Variants in NVL observed in about 807,000 individuals in gnomAD.
The protein encoded by NVL is nuclear VCP like.
In NVL, 84 loss-of-function variants were observed where a neutral mutation model predicts 110.2. That is an observed-to-expected ratio of 0.76 (90% CI 0.64 to 0.91). NVL has a LOEUF of 0.91. Ranked by LOEUF, NVL falls within the 40% of genes least tolerant of loss-of-function variation. The pLI, the probability that NVL is intolerant of heterozygous loss-of-function variation, is 0.00. For missense variants in NVL, 882 were observed against 1,035.9 expected, an observed-to-expected ratio of 0.85 and a Z score of 2.04; for synonymous variants, 354 against 361.1, an observed-to-expected ratio of 0.98 and a Z score of 0.22.
rs191704486 is a variant in NVL at position 224,264,869 on chromosome 1, C to T, written c.2182+3165G>A. ...GATTCTCCTGCCTCAGCCTCAGCCT[C>T]GCAAGTAGCTGGGACTACAGGTGTG... On this transcript the variant is annotated intron_variant, in intron 18 of 22. Coordinates refer to ENST00000281701, the MANE Select transcript of NVL (RefSeq NM_002533.4). Among the ~76,000 whole-genome samples, 10 of 152,250 alleles carry T rather than the reference C, an allele frequency of 6.6e-5. No homozygotes were observed. In the East Asian group the frequency reaches 7.8e-4, roughly 12 times the overall value.
intron 4 of NVL, among the ~76,000 whole-genome samples, chr1:224,315,961 G>A (rs1022176489): frequency 3.3e-5 from 5 of 152,100 alleles, no homozygotes; most frequent in Non-Finnish European, 5.9e-5. Flanking sequence ...CTGGGAGTCC[G>A]AGGCAAGAGG....
chr1:224,328,701 T>A (rs1222122696), intron 1 of NVL, among the ~76,000 whole-genome samples: 1 of 152,152 alleles, frequency 6.6e-6, no homozygotes, highest in African/African-American at 2.4e-5. Flanking sequence ...AGACTCAGAA[T>A]GATCCTTAAG....
chr1:224,258,849 CAG>C (rs1663596050), intron 18 of NVL, among the ~76,000 whole-genome samples: 1 of 151,736 alleles, frequency 6.6e-6, no homozygotes, highest in African/African-American at 2.4e-5. Flanking sequence ...TTTATATAGA[CAG>C]AAAGTAGATG....
chr1:224,278,678 C>G (rs567110393), intron 16 of NVL, among the ~76,000 whole-genome samples: 51 of 152,220 alleles, frequency 3.4e-4, no homozygotes, highest in African/African-American at 1.2e-3. Flanking sequence ...ACCAACACTG[C>G]TGTTGAGAAT....
At chr1:224,305,736 T>C (rs2102707886) in intron 6 of NVL, among the ~76,000 whole-genome samples, 1 of 152,256 alleles carries the variant, frequency 6.6e-6, no homozygotes, top group African/African-American at 2.4e-5. Flanking sequence ...AGAGATGGGG[T>C]TTTGCCATGT....
intron 20 of NVL, among the ~76,000 whole-genome samples, chr1:224,233,731 C>T (rs544171188): frequency 1.6e-4 from 24 of 152,108 alleles, no homozygotes; most frequent in African/African-American, 5.8e-4. Context: ...TGCACTCCAG[C>T]CTGGGTAACA....
intron 12 of NVL, 87 bp downstream of exon 12, chr1:224,294,180 G>A: frequency 3.0e-6 from 4 of 1,345,458 alleles, no homozygotes; most frequent in Non-Finnish European, 4.2e-6. Context: ...GAAAGAAAAG[G>A]CTACTTGGTA....
intron 19 of NVL, among the ~76,000 whole-genome samples, chr1:224,237,320 A>G (rs1032919902): frequency 6.6e-6 from 1 of 152,208 alleles, no homozygotes; most frequent in Non-Finnish European, 1.5e-5. Flanking sequence ...AAATAAAAGC[A>G]CAAAGCACTC....
At chr1:224,271,770 T>C (rs1360625633) in intron 17 of NVL, among the ~76,000 whole-genome samples, 3 of 152,074 alleles carry the variant, frequency 2.0e-5, no homozygotes, top group African/African-American at 4.8e-5. Flanking sequence ...CTCAACACTT[T>C]AGGAGGCCGA....
At chr1:224,229,101 G>A (rs1257843332) in intron 22 of NVL, among the ~76,000 whole-genome samples, 1 of 150,786 alleles carries the variant, frequency 6.6e-6, no homozygotes, top group Admixed American at 6.6e-5. Context: ...TGGAGACCAG[G>A]CTGACCAACA....
chr1:224,320,365 G>A (rs1433463567), intron 2 of NVL, among the ~76,000 whole-genome samples: 1 of 152,172 alleles, frequency 6.6e-6, no homozygotes, highest in East Asian at 1.9e-4. Context: ...ATAAAAATCT[G>A]TGCCAGCGCA....
At chr1:224,307,146 C>T (rs1669004794) in intron 6 of NVL, among the ~76,000 whole-genome samples, 4 of 152,106 alleles carry the variant, frequency 2.6e-5, no homozygotes, top group Admixed American at 2.0e-4. Context: ...GTTTTACATT[C>T]TATTTTTTTA....
chr1:224,321,018 G>A (rs1486476953), intron 2 of NVL, among the ~76,000 whole-genome samples: 1 of 152,188 alleles, frequency 6.6e-6, no homozygotes, highest in African/African-American at 2.4e-5. Context: ...TTAGGAGGCT[G>A]AGGCGAGAGG....
intron 17 of NVL, chr1:224,269,805 A>C (rs959134485): frequency 6.6e-6 from 1 of 151,026 alleles, no homozygotes; most frequent in African/African-American, 2.4e-5. Flanking sequence ...CTGGAAGTAC[A>C]GTGGTGAGAT....
rs73118061 is a variant in NVL at position 224,326,166 on chromosome 1, T to C, written c.131+225A>G. Among the ~76,000 whole-genome samples, 941 of 152,312 alleles carry C rather than the reference T, an allele frequency of 6.2e-3. 9 individuals are homozygous for C. The highest frequency in any genetic ancestry group is 0.021 in the African/African-American group (884 of 41,580). The stretch of plus-strand genomic sequence containing the variant: ...ATCTCTTGACCAGACTGTCAGGTAC[T>C]AAAAGATAAGCAGTGACCCATTTCC... On this transcript the variant is annotated intron_variant, in intron 2 of 22. Transcript: ENST00000281701.
At position 224,293,155 on chromosome 1, in the gene NVL, C is replaced by T. The variant is rs1455626051; in HGVS notation, c.1325+1112G>A. Among the ~76,000 whole-genome samples the T allele has an allele frequency of 6.6e-5, 10 of 151,816 alleles. No homozygotes were observed. The South Asian group carries it at 1.3e-3, about 19-fold the overall frequency. On this transcript the variant is annotated intron_variant, in intron 12 of 22. Transcript: ENST00000281701. Reference sequence around the variant, plus strand: ...CGCCATCTCGGCTCACTGCAAGCTCCGCCTCCCGGGTTCACGCCATTCTCC... The same window carrying T: ...CGCCATCTCGGCTCACTGCAAGCTCTGCCTCCCGGGTTCACGCCATTCTCC...
chr1:224,286,464 C>T (rs1666884562), intron 14 of NVL, among the ~76,000 whole-genome samples: 2 of 152,106 alleles, frequency 1.3e-5, no homozygotes, highest in African/African-American at 2.4e-5. Flanking sequence ...CCTCAGCCTC[C>T]CAAAGTGCTG....
At chr1:224,273,134 T>A (rs1290491469) in intron 17 of NVL, among the ~76,000 whole-genome samples, 7 of 150,874 alleles carry the variant, frequency 4.6e-5, no homozygotes, top group Non-Finnish European at 1.0e-4. Flanking sequence ...GGCAGTAGGC[T>A]GGGCGTGGTG....
At chr1:224,257,458 A>C (rs1038071543) in intron 18 of NVL, among the ~76,000 whole-genome samples, 1 of 152,140 alleles carries the variant, frequency 6.6e-6, no homozygotes, top group Non-Finnish European at 1.5e-5. Flanking sequence ...AGACAATTCA[A>C]TGGGGGACTA....
Sources: gnomAD v4.1 joint callset for allele counts (sites outside exome capture counted in the v4.1 genomes callset) on GRCh38, gnomAD v4.1.1 for gene constraint, MANE v1.5 for transcripts, NCBI Gene and HGNC (gene_info 2026-07-23, HGNC 2026-07-21) for gene names.